SENP6: variants seen among roughly 807,000 people sequenced by gnomAD.
SENP6 encodes SUMO specific peptidase 6.
Under a neutral mutation model 134.5 loss-of-function variants are expected in SENP6, and 41 were observed. That is an observed-to-expected ratio of 0.30 (90% confidence interval 0.24 to 0.40). The LOEUF is 0.40. Ranked by LOEUF, SENP6 falls within the 10% of genes least tolerant of loss-of-function variation. SENP6 has a pLI of 1.00. For missense variants in SENP6, 1,248 were observed against 1,312.5 expected, an observed-to-expected ratio of 0.95 and a Z score of 0.76; for synonymous variants, 395 against 429.8, an observed-to-expected ratio of 0.92 and a Z score of 1.00.
intron 5 of SENP6, among the ~76,000 whole-genome samples, chr6:75,637,283 C>T (rs1769595386): frequency 6.6e-6 from 1 of 152,126 alleles, no homozygotes; most frequent in Non-Finnish European, 1.5e-5. Context: ...TAAATCAGTC[C>T]TGCTAAAATC....
chr6:75,608,215 C>T (rs538645424), intron 1 of SENP6, among the ~76,000 whole-genome samples: 5 of 152,100 alleles, frequency 3.3e-5, no homozygotes, highest in Non-Finnish European at 5.9e-5. Flanking sequence ...TGAGATAACA[C>T]TTCGGGAGGC....
rs373023926 is a variant in SENP6 at position 75,670,653 on chromosome 6, G to A, written c.1325G>A (p.Ser442Asn). 6.2e-7 allele frequency: 1 copy of A among 1,613,574 alleles called. No individual in the cohort carries two copies. Among genetic ancestry groups the A allele is most frequent in the Non-Finnish European group, 8.5e-7 (1 of 1,179,724 alleles). Reference protein sequence around the residue: ...LALSCQSSFDSVILNCRSIRV... With the variant: ...LALSCQSSFDNVILNCRSIRV... Reference sequence around the variant, plus strand: ...TTAAGCTGCCAAAGTTCCTTTGACAGTGTCATTTTAAACTGTCGAAGTATA... The same window carrying A: ...TTAAGCTGCCAAAGTTCCTTTGACAATGTCATTTTAAACTGTCGAAGTATA... The change falls in exon 11 of 24, where the codon AGT (serine) becomes AAT (asparagine). Residue 442 changes from serine to asparagine, a missense_variant. Physicochemically the swap from Ser to Asn is conservative, Grantham distance 46. Around this residue, in one of 3 missense-constraint regions of SENP6, gnomAD observed 733 missense variants for 725.4 expected, o/e 1.01. Coordinates refer to ENST00000447266, the MANE Select transcript of SENP6 (RefSeq NM_015571.4).
intron 10 of SENP6, among the ~76,000 whole-genome samples, chr6:75,667,872 A>G (rs1402183963): frequency 2.0e-5 from 3 of 152,216 alleles, no homozygotes; most frequent in South Asian, 2.1e-4. Flanking sequence ...TAGAACTTAT[A>G]TCAGTGACTT....
Position 75,705,924 on chromosome 6 carries a change from C to CTTTTTTT in SENP6, c.2716+2852_2716+2853insTTTTTTT, listed in dbSNP as rs1562073188. Among the ~76,000 whole-genome samples, 684 of 89,248 alleles carry CTTTTTTT rather than the reference C, an allele frequency of 7.7e-3. 181 individuals are homozygous for CTTTTTTT. Among genetic ancestry groups the CTTTTTTT allele is most frequent in the Non-Finnish European group, 9.7e-3 (448 of 46,080 alleles). The allele number at this position is 89,248 out of a possible 152,430, so 58.6% of individuals were successfully genotyped here. On this transcript the variant is annotated intron_variant, in intron 19 of 23. Coordinates refer to ENST00000447266, the MANE Select transcript of SENP6 (RefSeq NM_015571.4). Reference sequence around the variant, plus strand: ...AGTGAGTTAGAAAGCTATTTTTGAGCCTTTTTTTTTTTTTTTTTTTTTTTT... The same window carrying CTTTTTTT: ...AGTGAGTTAGAAAGCTATTTTTGAGCTTTTTTTCTTTTTTTTTTTTTTTTTTTTTTTT...
intron 7 of SENP6, among the ~76,000 whole-genome samples, chr6:75,654,010 G>GC (rs1771118239): frequency 6.6e-6 from 1 of 152,148 alleles, no homozygotes. Flanking sequence ...GATCACTTGA[G>GC]CCCAGGCATT....
intron 16 of SENP6, among the ~76,000 whole-genome samples, chr6:75,687,660 A>T (rs1004914488): frequency 1.3e-5 from 2 of 152,076 alleles, no homozygotes; most frequent in Admixed American, 6.5e-5. Flanking sequence ...TTTTCCTTCT[A>T]ACAGTCAGGT....
chr6:75,609,619 G>A (rs1054497017), intron 1 of SENP6, among the ~76,000 whole-genome samples: 5 of 152,116 alleles, frequency 3.3e-5, no homozygotes, highest in African/African-American at 1.2e-4. Context: ...CAGTCATGTG[G>A]TATTTTAAAT....
At chr6:75,654,072 A>C (rs1029743804) in intron 7 of SENP6, among the ~76,000 whole-genome samples, 2 of 152,156 alleles carry the variant, frequency 1.3e-5, no homozygotes, top group Admixed American at 1.3e-4. Context: ...AAATAAAAAA[A>C]AATTAGCCAG....
intron 18 of SENP6, among the ~76,000 whole-genome samples, chr6:75,698,842 C>T (rs1774828479): frequency 6.6e-6 from 1 of 151,750 alleles, no homozygotes. Flanking sequence ...GAAACCTCGT[C>T]TCTACTGAAA....
chr6:75,621,493 C>G lies in SENP6; in HGVS notation c.53-39C>G, dbSNP rs766800834. 1.2e-5 allele frequency: 14 copies of G among 1,172,052 alleles called. No individual in the cohort carries two copies. In the African/African-American group the frequency reaches 2.1e-4, roughly 18 times the overall value. 72.6% of individuals were successfully genotyped at this position (1,172,052 alleles called of 1,614,324 possible). On this transcript the variant is annotated intron_variant, in intron 1 of 23. Transcript: ENST00000447266. ...CATATTTGTTTTATATTGAATAGCT[C>G]TATTAATGAATACTTACTGCAGTTT...
Position 75,675,485 on chromosome 6 carries a change from C to G in SENP6, c.1426+17C>G. 1 of 1,406,602 alleles carries G rather than the reference C, an allele frequency of 7.1e-7. No individual in the cohort carries two copies. 87.1% of individuals were successfully genotyped at this position (1,406,602 alleles called of 1,614,324 possible). On this transcript the variant is annotated intron_variant, in intron 12 of 23. Transcript: ENST00000447266. Reference sequence around the variant, plus strand: ...AGCTAGACGGTAAGCTATTTTATGTCTTTTTACTTACCAAAGCTTTCTTTA... The same window carrying G: ...AGCTAGACGGTAAGCTATTTTATGTGTTTTTACTTACCAAAGCTTTCTTTA...
chr6:75,688,021 T>G (rs1000775553), intron 16 of SENP6, among the ~76,000 whole-genome samples: 11 of 152,216 alleles, frequency 7.2e-5, no homozygotes, highest in African/African-American at 2.7e-4. Context: ...CTAGAGGCAG[T>G]AGGCCTTGTT....
intron 18 of SENP6, among the ~76,000 whole-genome samples, chr6:75,699,126 G>A (rs996870695): frequency 6.6e-6 from 1 of 151,980 alleles, no homozygotes; most frequent in African/African-American, 2.4e-5. Flanking sequence ...GGAGGAAAGC[G>A]ATTTGTCAGA....
At chr6:75,610,243 A>G (rs1307298416) in intron 1 of SENP6, among the ~76,000 whole-genome samples, 2 of 152,136 alleles carry the variant, frequency 1.3e-5, no homozygotes, top group African/African-American at 4.8e-5. Context: ...CATTTTCATT[A>G]CTTAAGCTCT....
In SENP6 at chr6:75,702,929, A is replaced by G. The variant is rs776070542; in HGVS notation, c.2573A>G (p.Lys858Arg). ...PRYKRNICSV[K>R]YSVKKINHTA... is the part of the protein sequence containing the mutation. The stretch of plus-strand genomic sequence containing the variant: ...TATAAGAGAAACATATGCAGTGTAA[A>G]ATACAGTGTGAAAAAAATAAATCAT... The change falls in exon 19 of 24, where the codon AAA becomes AGA. Residue 858 changes from lysine to arginine, a missense_variant. Transcript: ENST00000447266. The G allele has an allele frequency of 9.9e-6, 16 of 1,614,174 alleles. No homozygotes were observed. In the South Asian group the frequency reaches 1.8e-4, roughly 18 times the overall value.
chr6:75,644,726 CTGA>C lies in SENP6; in HGVS notation c.480-3004_480-3002del, dbSNP rs1770301038. 2.0e-5 allele frequency among the ~76,000 whole-genome samples: 3 copies of C among 152,336 alleles called. No homozygotes were observed. In the South Asian group the frequency reaches 6.2e-4, roughly 32 times the overall value. On this transcript the variant is annotated intron_variant, in intron 6 of 23. Coordinates refer to ENST00000447266, the MANE Select transcript of SENP6 (RefSeq NM_015571.4). Reference sequence around the variant, plus strand: ...CCGCGAACTCCTGGCCTCAAGTGATCTGACGGCCTTGGCCTCCCAAAGTGTTGG... The same window carrying C: ...CCGCGAACTCCTGGCCTCAAGTGATCCGGCCTTGGCCTCCCAAAGTGTTGG...
intron 16 of SENP6, among the ~76,000 whole-genome samples, chr6:75,689,838 C>G (rs1055218351): frequency 1.3e-5 from 2 of 152,180 alleles, no homozygotes; most frequent in Non-Finnish European, 2.9e-5. Flanking sequence ...TGCACAACTT[C>G]AAATTACCTC....
intron 1 of SENP6, among the ~76,000 whole-genome samples, chr6:75,612,698 T>TA (rs1369535384): frequency 1.3e-5 from 2 of 152,042 alleles, no homozygotes; most frequent in African/African-American, 2.4e-5. Flanking sequence ...CAGGAAAACT[T>TA]AAAAACAGTA....
rs1199601110 is a variant in SENP6, at chr6:75,663,819, T to TG, written c.994+302dup. ...CCTGCTGATAGTGGGTTTTTTTTTTTGTGGGGGGGGGGGTGCCTAAAATAA... is the reference window on the plus strand; with the variant it reads ...CCTGCTGATAGTGGGTTTTTTTTTTTGGTGGGGGGGGGGGTGCCTAAAATAA... On this transcript the variant is annotated intron_variant, in intron 9 of 23. Coordinates refer to ENST00000447266, the MANE Select transcript of SENP6 (RefSeq NM_015571.4). 2.9e-3 allele frequency among the ~76,000 whole-genome samples: 259 copies of TG among 90,660 alleles called. 4 individuals are homozygous for TG. The highest frequency in any genetic ancestry group is 9.9e-3 in the African/African-American group (174 of 17,494). 59.5% of individuals were successfully genotyped at this position (90,660 alleles called of 152,430 possible).
Sources: gnomAD v4.1 joint callset for allele counts (sites outside exome capture counted in the v4.1 genomes callset) on GRCh38, gnomAD v4.1.1 for gene constraint, gnomAD v4.1.1 regional missense constraint, MANE v1.5 for transcripts, NCBI Gene and HGNC (gene_info 2026-07-23, HGNC 2026-07-21) for gene names.